The following ZFHX3 variants were observed in gnomAD, a reference collection of about 807,000 sequenced individuals.
ZFHX3 encodes zinc finger homeobox protein 3.
A neutral mutation model predicts 279.1 loss-of-function variants in ZFHX3; 42 were observed. The observed-to-expected ratio is 0.15, with a 90% CI of 0.12 to 0.19. ZFHX3 has a LOEUF of 0.19. Among genes scored for constraint, ZFHX3 ranks in the 10% least tolerant of loss-of-function variants. ZFHX3 has a pLI of 1.00. For synonymous variants in ZFHX3, 2,293 were observed against 1,957.8 expected (o/e 1.17, Z -4.52); for missense variants, 4,981 against 4,754.0 (o/e 1.05, Z -1.40).
chr16:73,493,171 T>C (rs1352769106), intron 2 of ZFHX3, among the ~76,000 whole-genome samples: 2 of 152,178 alleles, frequency 1.3e-5, no homozygotes, highest in Non-Finnish European at 2.9e-5. Context: ...ACCTATTTTT[T>C]GCAGCTGGTC....
rs1393319353 is a variant in ZFHX3, at chr16:73,156,695, A to G, written c.-1103-12864T>C. 2.6e-5 allele frequency among the ~76,000 whole-genome samples: 4 copies of G among 151,402 alleles called. No homozygotes were observed. The South Asian group carries it at 6.3e-4, about 24-fold the overall frequency. On this transcript the variant is annotated intron_variant, in intron 5 of 17. Coordinates refer to the ZFHX3 transcript ENST00000641206. ...TTTAGTCTCCCAAGTAGCTGGGACT[A>G]TAGGCACACATCACCATGTCTGGCT...
Position 72,784,352 on chromosome 16 carries a change from G to C in ZFHX3, c.*2812C>G, listed in dbSNP as rs1280368744. The C allele has an allele frequency of 6.6e-6, 1 of 152,134 alleles. No individual in the cohort carries two copies. Among genetic ancestry groups the C allele is most frequent in the Non-Finnish European group, 1.5e-5 (1 of 67,960 alleles). The allele number at this position is 152,134 out of a possible 1,614,324, so 9.4% of individuals were successfully genotyped here. On this transcript the variant is annotated 3_prime_UTR_variant, in exon 10 of 10. Coordinates refer to ENST00000268489, the MANE Select transcript of ZFHX3 (RefSeq NM_006885.4). The stretch of plus-strand genomic sequence containing the variant: ...TTAAAAGTTGAGGGGGGAGGGAAAA[G>C]GATAGAAATTGCACTATTACCAAGC...
At position 72,849,860 on chromosome 16, in the gene ZFHX3, C is replaced by CAAAAAAAAAAAAAAAA. The variant is rs542156633; in HGVS notation, c.3449-20017_3449-20002dup. On this transcript the variant is annotated intron_variant, in intron 4 of 9. Coordinates refer to ENST00000268489, the MANE Select transcript of ZFHX3 (RefSeq NM_006885.4). ...TCTCTGCCACTTGGAGTTCACCTAC[C>CAAAAAAAAAAAAAAAA]AAAAAAAAAAAAAAAAAAAAAAAAA... Among the ~76,000 whole-genome samples the CAAAAAAAAAAAAAAAA allele has an allele frequency of 1.2e-4, 7 of 56,564 alleles. 2 individuals carry two copies. Among genetic ancestry groups the CAAAAAAAAAAAAAAAA allele is most frequent in the African/African-American group, 1.6e-4 (2 of 12,588 alleles). The allele number at this position is 56,564 out of a possible 152,430, so 37.1% of individuals were successfully genotyped here. A position where few individuals can be genotyped will look rare whatever the true frequency, so the allele number is the denominator to read the frequency against.
At chr16:72,942,084 A>T (rs1960436844) in intron 3 of ZFHX3, among the ~76,000 whole-genome samples, 2 of 152,220 alleles carry the variant, frequency 1.3e-5, no homozygotes, top group Admixed American at 6.5e-5. Flanking sequence ...GACAATGCCT[A>T]ATTGTTCCCT....
Position 72,788,385 on chromosome 16 carries a change from C to A in ZFHX3, c.9891G>T (p.Ser3297=). 6.2e-7 allele frequency: 1 copy of A among 1,614,136 alleles called. No individual in the cohort carries two copies. Among genetic ancestry groups the A allele is most frequent in the Non-Finnish European group, 8.5e-7 (1 of 1,180,026 alleles). The stretch of plus-strand genomic sequence containing the variant: ...GGCTTGTGAGCAATGCTGTGGGGTC[C>A]GAAGTCAACGCGGCCTGCAGGGCCT... ...QLQALQAALT[S]DPTALLTSQF... is the part of the protein sequence containing the mutation. The change falls in exon 10 of 10, where the codon TCG becomes TCT. Residue 3297 remains serine (S), a synonymous_variant. Coordinates refer to ENST00000268489, the MANE Select transcript of ZFHX3 (RefSeq NM_006885.4).
At chr16:72,888,275 G>A (rs1275545584) in intron 4 of ZFHX3, among the ~76,000 whole-genome samples, 1 of 152,246 alleles carries the variant, frequency 6.6e-6, no homozygotes, top group Non-Finnish European at 1.5e-5. Flanking sequence ...TGGCTGAGAA[G>A]GCACTGCAGG....
At chr16:73,692,491 A>C (rs1405118132) in intron 1 of ZFHX3, among the ~76,000 whole-genome samples, 1 of 152,208 alleles carries the variant, frequency 6.6e-6, no homozygotes, top group African/African-American at 2.4e-5. Context: ...AATTAAAGGA[A>C]GAATTAAAGG....
At chr16:73,719,756 CCTGAGTAG>C (rs2053456390) in intron 1 of ZFHX3, among the ~76,000 whole-genome samples, 1 of 151,314 alleles carries the variant, frequency 6.6e-6, no homozygotes, top group Non-Finnish European at 1.5e-5. Flanking sequence ...GCCTCAGCCT[CCTGAGTAG>C]CTGAGATTAC....
intron 4 of ZFHX3, among the ~76,000 whole-genome samples, chr16:73,257,951 C>G (rs995970620): frequency 6.6e-6 from 1 of 152,130 alleles, no homozygotes; most frequent in Non-Finnish European, 1.5e-5. Flanking sequence ...GTGGGCTGTC[C>G]TGTGCACTGT....
chr16:72,794,236 G>A lies in ZFHX3; in HGVS notation c.8446C>T (p.Pro2816Ser), dbSNP rs2035818733. Residue 2816 changes from proline to serine, a missense_variant, in exon 9 of 10, where the codon CCC becomes TCC. This residue lies in a region of ZFHX3 where 744 missense variants were observed against 701.3 expected (regional missense o/e 1.06). Coordinates refer to ENST00000268489, the MANE Select transcript of ZFHX3 (RefSeq NM_006885.4). This position sits in a 1 kb window ranked among gnomAD's most constrained non-coding sequence, Gnocchi z 4.2. ...KVEGIEDFES[P>S]SMSSVNLNFD... ...TTTAGATTAACTGAGGACATGGAGG[G>A]GCTTTCAAAGTCTTCAATCCCTTCC... 6.2e-7 allele frequency: 1 copy of A among 1,614,164 alleles called. No homozygotes were observed. The highest frequency in any genetic ancestry group is 2.2e-5 in the East Asian group (1 of 44,884).
At chr16:72,789,129 T>G in intron 9 of ZFHX3, 1 of 356,458 alleles carries the variant, frequency 2.8e-6, no homozygotes, top group Non-Finnish European at 5.0e-6. Context: ...AACCTTGTAT[T>G]CTAATGAGGA....
In ZFHX3 at chr16:72,959,485, G is replaced by A; in HGVS notation, c.661C>T (p.Leu221=). 2 of 1,614,286 alleles carry A rather than the reference G, an allele frequency of 1.2e-6. No individual in the cohort carries two copies. Among genetic ancestry groups the A allele is most frequent in the Non-Finnish European group, 1.7e-6 (2 of 1,180,046 alleles). ...TGCAGGACGGGGCTGAGCCCCGCCA[G>A]GGCTGAGGTATTCGGGAAAGCCTGG... ...PDQAFPNTSA[L]AGLSPVLHSF... Residue 221 remains leucine (L), a synonymous_variant, in exon 2 of 10, where the codon CTG becomes TTG. Transcript: ENST00000268489.
intron 4 of ZFHX3, among the ~76,000 whole-genome samples, chr16:73,290,843 A>G (rs1197075624): frequency 6.6e-6 from 1 of 152,132 alleles, no homozygotes; most frequent in Non-Finnish European, 1.5e-5. Context: ...GAATTAAGGA[A>G]CCTTGGTTAG....
chr16:72,954,793 T>A (rs1407469152), intron 2 of ZFHX3, among the ~76,000 whole-genome samples: 1 of 152,172 alleles, frequency 6.6e-6, no homozygotes, highest in Non-Finnish European at 1.5e-5. Flanking sequence ...AAGCCTTTCC[T>A]CAAAGGCTTC....
chr16:73,633,897 C>CAA (rs969682946), intron 2 of ZFHX3, among the ~76,000 whole-genome samples: 18 of 114,770 alleles, frequency 1.6e-4, no homozygotes, highest in Admixed American at 4.5e-4. Context: ...GACTCCATCA[C>CAA]AAAAAAAAAA....
chr16:73,005,146 G>C (rs898110595), intron 1 of ZFHX3, among the ~76,000 whole-genome samples: 1 of 152,168 alleles, frequency 6.6e-6, no homozygotes, highest in Admixed American at 6.5e-5. Context: ...TGAACTATTA[G>C]TAATGTATTA....
intron 1 of ZFHX3, among the ~76,000 whole-genome samples, chr16:73,055,555 T>C (rs1965528842): frequency 6.6e-6 from 1 of 152,186 alleles, no homozygotes; most frequent in Non-Finnish European, 1.5e-5. Flanking sequence ...AAACTCAATG[T>C]GACCCTGAGG....
At chr16:73,007,229 C>A (rs1597083433) in intron 1 of ZFHX3, among the ~76,000 whole-genome samples, 1 of 152,216 alleles carries the variant, frequency 6.6e-6, no homozygotes, top group South Asian at 2.1e-4. Context: ...TGCATCTCCA[C>A]TCATGTCGGA....
At chr16:73,061,633 C>T (rs1965686068), upstream of ZFHX3, 4 of 151,766 alleles carry the variant, frequency 2.6e-5, no homozygotes, top group African/African-American at 7.3e-5. Flanking sequence ...TTCCATAATA[C>T]ATCAGGTAAG....
Sources: allele counts gnomAD v4.1 joint callset (sites outside exome capture counted in the v4.1 genomes callset), GRCh38; gene constraint gnomAD v4.1.1; regional missense constraint gnomAD v4.1.1; non-coding constraint Gnocchi (gnomAD v3.1); transcripts MANE v1.5; gene names NCBI Gene and HGNC (gene_info 2026-07-23, HGNC 2026-07-21).